Variants in XKR6 observed in about 807,000 individuals in gnomAD.
XKR6 encodes the protein XK related 6.
In XKR6, 22 loss-of-function variants were observed where a neutral mutation model predicts 56.7. The ratio of observed to expected loss-of-function variants is 0.39; its 90% CI spans 0.28 to 0.55. XKR6 has a LOEUF of 0.55. XKR6 is among the 20% of genes least tolerant of loss of function. XKR6 has a pLI of 0.66. For synonymous variants in XKR6, 524 were observed against 387.8 expected (o/e 1.35, Z -4.13); for missense variants, 852 against 889.0 (o/e 0.96, Z 0.53).
At chr8:11,185,680 T>A (rs1803238195) in intron 1 of XKR6, among the ~76,000 whole-genome samples, 1 of 152,164 alleles carries the variant, frequency 6.6e-6, no homozygotes, top group Non-Finnish European at 1.5e-5. Context: ...CAAACCAAGA[T>A]CCAATCTTTC....
chr8:10,965,074 G>C (rs1022017631), intron 1 of XKR6, among the ~76,000 whole-genome samples: 2 of 152,228 alleles, frequency 1.3e-5, no homozygotes, highest in Admixed American at 6.5e-5. Context: ...AAGCCTGCTT[G>C]TTGGGCTCTC....
At chr8:11,036,511 C>T (rs921503887) in intron 1 of XKR6, among the ~76,000 whole-genome samples, 1 of 152,196 alleles carries the variant, frequency 6.6e-6, no homozygotes, top group Non-Finnish European at 1.5e-5. Flanking sequence ...AGGCCCCACC[C>T]CAGACTTGCT....
At chr8:10,972,580 G>A (rs1802439618) in intron 1 of XKR6, among the ~76,000 whole-genome samples, 1 of 152,204 alleles carries the variant, frequency 6.6e-6, no homozygotes, top group Non-Finnish European at 1.5e-5. Context: ...TAGACCTTGA[G>A]GGCATCATGC....
chr8:11,160,911 C>CAAAAAAAAAAAAAAA (rs33931830), intron 1 of XKR6, among the ~76,000 whole-genome samples: 22 of 63,780 alleles, frequency 3.4e-4, no homozygotes, highest in African/African-American at 1.2e-3. Flanking sequence ...GACTCCGTCT[C>CAAAAAAAAAAAAAAA]AAAAAAAAAA....
intron 1 of XKR6, among the ~76,000 whole-genome samples, chr8:11,125,373 G>A (rs1379662351): frequency 1.3e-5 from 2 of 152,164 alleles, no homozygotes; most frequent in African/African-American, 4.8e-5. Flanking sequence ...CTTTAGGTGT[G>A]CTCAGGTTAT....
chr8:11,026,857 C>A (rs1235478235), intron 1 of XKR6, among the ~76,000 whole-genome samples: 5 of 151,976 alleles, frequency 3.3e-5, no homozygotes, highest in African/African-American at 2.4e-5. Flanking sequence ...TAGCCTACTA[C>A]ACACCTAGAT....
chr8:11,156,927 G>C (rs1000904845), intron 1 of XKR6, among the ~76,000 whole-genome samples: 2 of 152,098 alleles, frequency 1.3e-5, no homozygotes, highest in African/African-American at 2.4e-5. Flanking sequence ...AAGGCAAAGA[G>C]AGTAACTTTA....
At chr8:10,961,433 G>A (rs1318428649) in intron 1 of XKR6, among the ~76,000 whole-genome samples, 2 of 152,204 alleles carry the variant, frequency 1.3e-5, no homozygotes, top group Non-Finnish European at 2.9e-5. Flanking sequence ...CATCCTCAGA[G>A]GCTGGCTAGG....
In XKR6 at chr8:10,897,369, C is replaced by T. The variant is rs1386287060; in HGVS notation, c.*583G>A. 1 of 152,596 alleles carries T rather than the reference C, an allele frequency of 6.6e-6. No homozygotes were observed. Among genetic ancestry groups the T allele is most frequent in the Non-Finnish European group, 1.5e-5 (1 of 68,032 alleles). The allele number at this position is 152,596 out of a possible 1,614,324, so 9.5% of individuals were successfully genotyped here. A position where few individuals can be genotyped will look rare whatever the true frequency, so the allele number is the denominator to read the frequency against. On this transcript the variant is annotated 3_prime_UTR_variant, in exon 3 of 3. Coordinates refer to ENST00000416569, the MANE Select transcript of XKR6 (RefSeq NM_173683.4). ...TATTTGTTGGTTGGTTTTTGTTTCA[C>T]TTTTAGATTTGTTTCATTTAATTGT...
At chr8:11,158,541 A>C (rs1712010739) in intron 1 of XKR6, among the ~76,000 whole-genome samples, 1 of 152,192 alleles carries the variant, frequency 6.6e-6, no homozygotes, top group African/African-American at 2.4e-5. Context: ...TTATGGAGCA[A>C]CTAAAAACCT....
chr8:11,092,186 A>G (rs1290430771), intron 1 of XKR6, among the ~76,000 whole-genome samples: 1 of 152,218 alleles, frequency 6.6e-6, no homozygotes, highest in Non-Finnish European at 1.5e-5. Context: ...CAGGTTTGCG[A>G]TAAGGGACTG....
chr8:11,200,490 C>A lies in XKR6; in HGVS notation c.764+86G>T, dbSNP rs548706950. ...TCCTTCGAGCCCCCCGCGCTGGGCC[C>A]TTTCGAGGGGCCGCCCCGCGAAGCA... On this transcript the variant is annotated intron_variant, in intron 1 of 2. Coordinates refer to ENST00000416569, the MANE Select transcript of XKR6 (RefSeq NM_173683.4). This position sits in a 1 kb window ranked among gnomAD's most constrained non-coding sequence, Gnocchi z 6.4. 1.9e-3 allele frequency: 2,538 copies of A among 1,351,922 alleles called. 6 individuals are homozygous for A. Among genetic ancestry groups the A allele is most frequent in the Non-Finnish European group, 2.2e-3 (2,292 of 1,058,290 alleles). 83.7% of individuals were successfully genotyped at this position (1,351,922 alleles called of 1,614,324 possible). A position where few individuals can be genotyped will look rare whatever the true frequency, so the allele number is the denominator to read the frequency against.
chr8:11,180,829 C>T (rs1041767746), intron 1 of XKR6, among the ~76,000 whole-genome samples: 2 of 152,144 alleles, frequency 1.3e-5, no homozygotes, highest in Admixed American at 1.3e-4. Flanking sequence ...AGCACACCAG[C>T]CCAGGAGTTC....
chr8:11,063,382 T>C (rs182275919), intron 1 of XKR6, among the ~76,000 whole-genome samples: 19 of 151,598 alleles, frequency 1.3e-4, no homozygotes, highest in Non-Finnish European at 2.7e-4. Flanking sequence ...CCTGTAGTCC[T>C]AGCTACTTGG....
chr8:10,981,340 T>A (rs1341597770), intron 1 of XKR6, among the ~76,000 whole-genome samples: 1 of 152,146 alleles, frequency 6.6e-6, no homozygotes, highest in Non-Finnish European at 1.5e-5. Flanking sequence ...GCACTGCACG[T>A]TCCAGGTGAG....
intron 2 of XKR6, among the ~76,000 whole-genome samples, chr8:10,905,246 A>G (rs976709899): frequency 1.3e-5 from 2 of 151,828 alleles, no homozygotes; most frequent in Non-Finnish European, 2.9e-5. Flanking sequence ...TTTCCTCCCA[A>G]ATCTGCCCCA....
At chr8:11,099,696 C>T (rs116012165) in intron 1 of XKR6, among the ~76,000 whole-genome samples, 3 of 152,248 alleles carry the variant, frequency 2.0e-5, no homozygotes, top group African/African-American at 7.2e-5. Flanking sequence ...ATGTGTCTCA[C>T]GCATTGTTCT....
intron 1 of XKR6, among the ~76,000 whole-genome samples, chr8:11,043,639 C>T (rs768559822): frequency 6.6e-6 from 1 of 152,252 alleles, no homozygotes; most frequent in Non-Finnish European, 1.5e-5. Context: ...CACCTGAGAA[C>T]TAAAAATAAA....
intron 1 of XKR6, among the ~76,000 whole-genome samples, chr8:11,171,371 G>C (rs1802359710): frequency 6.6e-6 from 1 of 152,236 alleles, no homozygotes; most frequent in African/African-American, 2.4e-5. Flanking sequence ...AAGAGTTGCA[G>C]CTCTCAATGC....
Sources: gnomAD v4.1 joint callset for allele counts (sites outside exome capture counted in the v4.1 genomes callset) on GRCh38, gnomAD v4.1.1 for gene constraint, Gnocchi (gnomAD v3.1) non-coding constraint, MANE v1.5 for transcripts, NCBI Gene and HGNC (gene_info 2026-07-23, HGNC 2026-07-21) for gene names.